MTUS2: variants seen among roughly 807,000 people sequenced by gnomAD.
MTUS2 encodes microtubule-associated tumor suppressor candidate 2.
MTUS2 carries 40 observed loss-of-function variants against 114.1 expected under a neutral mutation model. The observed-to-expected ratio is 0.35, with a 90% confidence interval of 0.27 to 0.46. The LOEUF (loss-of-function observed/expected upper bound fraction) is 0.46, where lower values mean the gene tolerates loss of function less well. Among genes scored for constraint, MTUS2 ranks in the 20% least tolerant of loss-of-function variants. MTUS2 has a pLI of 1.00. For synonymous variants in MTUS2, 688 were observed against 672.0 expected, an observed-to-expected ratio of 1.02 and a Z score of -0.37; for missense variants, 1,679 against 1,705.4, an observed-to-expected ratio of 0.98 and a Z score of 0.27.
chr13:29,504,959 G>A lies in MTUS2; in HGVS notation c.*1753G>A. On this transcript the variant is annotated 3_prime_UTR_variant, in exon 16 of 16. Transcript: ENST00000612955. ...AACGTGAAGGCAGACATGGTCCCTG[G>A]CCCTAGGATGAGTCCACGCTGGGCT... is the stretch of plus-strand genomic sequence containing the variant. The A allele has an allele frequency of 4.3e-6, 1 of 232,724 alleles. No individual in the cohort carries two copies. The highest frequency in any genetic ancestry group is 8.5e-6 in the Non-Finnish European group (1 of 117,708). The allele number at this position is 232,724 out of a possible 1,614,324, so 14.4% of individuals were successfully genotyped here.
At chr13:29,195,968 G>A (rs1335036356) in intron 5 of MTUS2, among the ~76,000 whole-genome samples, 1 of 152,112 alleles carries the variant, frequency 6.6e-6, no homozygotes, top group Non-Finnish European at 1.5e-5. Context: ...GGACTGATGC[G>A]ATCAAGTTTA....
At chr13:29,484,701 G>A (rs73154415) in intron 10 of MTUS2, among the ~76,000 whole-genome samples, 4,055 of 152,336 alleles carry the variant, frequency 0.027, 124 homozygotes, top group African/African-American at 0.07. Context: ...TAGGATGGGC[G>A]CAAATGGGAG....
At chr13:29,421,399 T>A (rs1351364604) in intron 8 of MTUS2, among the ~76,000 whole-genome samples, 1 of 152,214 alleles carries the variant, frequency 6.6e-6, no homozygotes, top group Non-Finnish European at 1.5e-5. Flanking sequence ...TCTTTCATGA[T>A]CATTTTTCAT....
At chr13:29,339,251 A>G (rs946496268) in intron 7 of MTUS2, among the ~76,000 whole-genome samples, 21 of 152,134 alleles carry the variant, frequency 1.4e-4, no homozygotes, top group Admixed American at 2.0e-4. Context: ...GGCTGAGGGA[A>G]GGCTGCTTCT....
rs559240787 is a variant in MTUS2 at position 29,203,647 on chromosome 13, G to A, written c.2645-78057G>A. Reference sequence around the variant, plus strand: ...TTTGTGCTTCAAATCCAGGGCCCTGGTGGCATAGGCACCCAAGGGAATCTC... The same window carrying A: ...TTTGTGCTTCAAATCCAGGGCCCTGATGGCATAGGCACCCAAGGGAATCTC... On this transcript the variant is annotated intron_variant, in intron 5 of 15. Coordinates refer to ENST00000612955, the MANE Select transcript of MTUS2 (RefSeq NM_001033602.4). Among the ~76,000 whole-genome samples, 3 of 152,152 alleles carry A rather than the reference G, an allele frequency of 2.0e-5. No homozygotes were observed. In the East Asian group the frequency reaches 5.8e-4, roughly 29 times the overall value.
chr13:29,099,571 A>AT (rs552214593), intron 4 of MTUS2, among the ~76,000 whole-genome samples: 20 of 151,680 alleles, frequency 1.3e-4, no homozygotes, highest in South Asian at 2.1e-4. Context: ...TAGACGTGGA[A>AT]TTTTTTTTTC....
At chr13:29,342,744 A>G (rs985078654) in intron 7 of MTUS2, among the ~76,000 whole-genome samples, 1 of 152,120 alleles carries the variant, frequency 6.6e-6, no homozygotes, top group Admixed American at 6.5e-5. Context: ...TCCAGTTCTC[A>G]GAGGGAATGC....
chr13:29,094,410 C>T (rs1373813846), intron 4 of MTUS2, among the ~76,000 whole-genome samples: 1 of 151,428 alleles, frequency 6.6e-6, no homozygotes, highest in Non-Finnish European at 1.5e-5. Flanking sequence ...CTTCTTGATT[C>T]AGCTTTTATA....
chr13:28,875,429 G>A (rs971311029), intron 2 of MTUS2, among the ~76,000 whole-genome samples: 1 of 152,284 alleles, frequency 6.6e-6, no homozygotes, highest in South Asian at 2.1e-4. Context: ...AAGTGGATTT[G>A]TTTTTTGTTT....
chr13:29,494,093 T>A (rs1408052219), intron 12 of MTUS2, among the ~76,000 whole-genome samples: 1 of 152,240 alleles, frequency 6.6e-6, no homozygotes, highest in East Asian at 1.9e-4. Context: ...TGGAGAGTTA[T>A]GTAGCCTCTG....
At chr13:29,366,264 G>A (rs1870704150) in intron 8 of MTUS2, among the ~76,000 whole-genome samples, 1 of 152,168 alleles carries the variant, frequency 6.6e-6, no homozygotes, top group African/African-American at 2.4e-5. Flanking sequence ...TCACATGGCG[G>A]CAGAGAAGAG....
At chr13:28,997,497 G>A (rs1266295237) in intron 2 of MTUS2, among the ~76,000 whole-genome samples, 1 of 152,284 alleles carries the variant, frequency 6.6e-6, no homozygotes, top group East Asian at 1.9e-4. Context: ...GGATGTTAAA[G>A]TCTCCCATTA....
At chr13:28,899,926 C>T (rs1879538421) in intron 2 of MTUS2, among the ~76,000 whole-genome samples, 1 of 152,054 alleles carries the variant, frequency 6.6e-6, no homozygotes, top group Non-Finnish European at 1.5e-5. Context: ...AGTACTCCAT[C>T]ACCCAGGCTG....
intron 5 of MTUS2, among the ~76,000 whole-genome samples, chr13:29,172,868 C>T (rs1354099249): frequency 1.3e-5 from 2 of 152,142 alleles, no homozygotes; most frequent in South Asian, 2.1e-4. Context: ...ACAAGGAGTC[C>T]TGCATTTTTA....
Position 29,375,666 on chromosome 13 carries a change from A to G in MTUS2, c.3117+16193A>G, listed in dbSNP as rs1871664724. ...ACACACCATGAAATACCACTCAGCT[A>G]TAAAAAAGAATAATGTCTTTTGCAG... is the stretch of plus-strand genomic sequence containing the variant. On this transcript the variant is annotated intron_variant, in intron 8 of 15. Transcript: ENST00000612955. 1.4e-5 allele frequency among the ~76,000 whole-genome samples: 2 copies of G among 138,712 alleles called. 1 individual carries two copies. The highest frequency in any genetic ancestry group is 3.1e-5 in the Non-Finnish European group (2 of 65,490). 91.0% of individuals were successfully genotyped at this position (138,712 alleles called of 152,430 possible). A position where few individuals can be genotyped will look rare whatever the true frequency, so the allele number is the denominator to read the frequency against.
At chr13:28,893,492 G>A (rs550850525) in intron 2 of MTUS2, among the ~76,000 whole-genome samples, 1 of 152,338 alleles carries the variant, frequency 6.6e-6, no homozygotes, top group East Asian at 1.9e-4. Context: ...GATGTGATTT[G>A]TGGTTAGAAG....
chr13:29,326,834 G>A (rs1027725160), intron 7 of MTUS2, among the ~76,000 whole-genome samples: 1 of 152,028 alleles, frequency 6.6e-6, no homozygotes, highest in Non-Finnish European at 1.5e-5. Flanking sequence ...ACAAAAATTA[G>A]CCAGGTGTGG....
chr13:29,305,105 T>C (rs1298681806), intron 6 of MTUS2, among the ~76,000 whole-genome samples: 1 of 152,066 alleles, frequency 6.6e-6, no homozygotes, highest in Non-Finnish European at 1.5e-5. Context: ...AAAGAGGCAA[T>C]GTACCAGAAT....
chr13:28,830,053 G>A (rs1424220579), intron 1 of MTUS2, among the ~76,000 whole-genome samples: 1 of 152,120 alleles, frequency 6.6e-6, no homozygotes, highest in East Asian at 1.9e-4. Flanking sequence ...AGAAATCTCT[G>A]TACCGTCATT....
Sources: gnomAD v4.1 joint callset for allele counts (sites outside exome capture counted in the v4.1 genomes callset) on GRCh38, gnomAD v4.1.1 for gene constraint, MANE v1.5 for transcripts, NCBI Gene and HGNC (gene_info 2026-07-23, HGNC 2026-07-21) for gene names.